Variants in TNS4 observed in about 807,000 individuals in gnomAD.
TNS4 encodes tensin 4, also known as tensin-4.
TNS4 carries 46 observed loss-of-function variants against 70.4 expected under a neutral mutation model. The ratio of observed to expected loss-of-function variants is 0.65; its 90% CI spans 0.52 to 0.84. TNS4 has a LOEUF of 0.84. TNS4 is among the 40% of genes least tolerant of loss of function. TNS4 has a pLI of 0.00. For missense variants in TNS4, 863 were observed against 907.0 expected, an observed-to-expected ratio of 0.95 and a Z score of 0.62; for synonymous variants, 390 against 366.6, an observed-to-expected ratio of 1.06 and a Z score of -0.73.
chr17:40,485,033 CCTGTAGGCT>C (rs1567810446), intron 4 of TNS4, 26 bp from the exon 5 acceptor site: 4 of 1,607,484 alleles, frequency 2.5e-6, no homozygotes, highest in East Asian at 2.2e-5. Flanking sequence ...GAAGGGGGAC[CCTGTAGGCT>C]GGACAGACGG....
At chr17:40,500,877 C>T (rs775539645) in intron 1 of TNS4, among the ~76,000 whole-genome samples, 133 of 147,650 alleles carry the variant, frequency 9.0e-4, no homozygotes, top group Non-Finnish European at 1.5e-3. Context: ...GCCGCCCCAT[C>T]TCCCAGTCCT....
rs753848525 is a variant in TNS4 at position 40,496,184 on chromosome 17, G to C, written c.242C>G (p.Pro81Arg). The change falls in exon 2 of 13, where the codon CCG (proline) becomes CGG (arginine). Residue 81 changes from proline to arginine, a missense_variant. Pro to Arg is a moderately radical substitution (Grantham distance 103). Transcript: ENST00000254051. ...QVEAKATCFL[P>R]SPGEKALGTP... Reference sequence around the variant, plus strand: ...CCCCAAGGCCTTCTCACCAGGGGACGGCAGGAAGCAGGTGGCTTTGGCCTC... The same window carrying C: ...CCCCAAGGCCTTCTCACCAGGGGACCGCAGGAAGCAGGTGGCTTTGGCCTC... 3 of 1,607,440 alleles carry C rather than the reference G, an allele frequency of 1.9e-6. No individual in the cohort carries two copies. Among genetic ancestry groups the C allele is most frequent in the South Asian group, 2.2e-5 (2 of 90,286 alleles).
Position 40,496,658 on chromosome 17 carries a change from G to A in TNS4, c.-95-138C>T, listed in dbSNP as rs957172020. The A allele has an allele frequency of 5.5e-6, 3 of 541,186 alleles. No homozygotes were observed. In the African/African-American group the frequency reaches 5.9e-5, roughly 11 times the overall value. 33.5% of individuals were successfully genotyped at this position (541,186 alleles called of 1,614,324 possible). On this transcript the variant is annotated intron_variant, in intron 1 of 12. Transcript: ENST00000254051. ...CCAGACCACCTGAGTTTGCAGCCTGGCTCCACCACCTACTAGCTGTATAAC... is the reference window on the plus strand; with the variant it reads ...CCAGACCACCTGAGTTTGCAGCCTGACTCCACCACCTACTAGCTGTATAAC...
chr17:40,490,096 C>T (rs1168926579), intron 2 of TNS4, among the ~76,000 whole-genome samples: 1 of 152,220 alleles, frequency 6.6e-6, no homozygotes, highest in Non-Finnish European at 1.5e-5. Flanking sequence ...GAGAACCCTG[C>T]TTTGGAGCAG....
intron 8 of TNS4, chr17:40,480,989 C>T: frequency 3.7e-6 from 2 of 534,424 alleles, no homozygotes; most frequent in South Asian, 2.5e-5. Context: ...TCTTCATCCC[C>T]TCCTCGCCCC....
rs530846988 is a variant in TNS4 at position 40,476,369 on chromosome 17, C to CGTGTGTGTGTGTGTGTGTGTGTGT, written c.*1195_*1218dup. On this transcript the variant is annotated 3_prime_UTR_variant, in exon 13 of 13. Transcript: ENST00000254051. ...TTGAAGCCACATAGCAGTAGAGGGG[C>CGTGTGTGTGTGTGTGTGTGTGTGT]GTGTGTGTGTGTGTGTGTGTGTGTG... is the stretch of plus-strand genomic sequence containing the variant. 2.2e-5 allele frequency: 2 copies of CGTGTGTGTGTGTGTGTGTGTGTGT among 92,908 alleles called. No individual in the cohort carries two copies. Among genetic ancestry groups the CGTGTGTGTGTGTGTGTGTGTGTGT allele is most frequent in the Admixed American group, 2.6e-4 (2 of 7,746 alleles). The allele number at this position is 92,908 out of a possible 1,614,324, so 5.8% of individuals were successfully genotyped here. A position where few individuals can be genotyped will look rare whatever the true frequency, so the allele number is the denominator to read the frequency against.
chr17:40,492,777 C>T (rs1437209470), intron 2 of TNS4, among the ~76,000 whole-genome samples: 1 of 151,920 alleles, frequency 6.6e-6, no homozygotes, highest in East Asian at 1.9e-4. Context: ...TGGCTCATAC[C>T]TGTAATCCCA....
intron 12 of TNS4, 161 bp from the exon 13 acceptor site, chr17:40,477,890 A>G: frequency 1.5e-6 from 1 of 656,626 alleles, no homozygotes; most frequent in East Asian, 2.7e-5. Flanking sequence ...TCCCTGGGGA[A>G]GGAGATGCCT....
At chr17:40,485,085 G>A in intron 4 of TNS4, 78 bp from the exon 5 acceptor site, 1 of 1,281,116 alleles carries the variant, frequency 7.8e-7, no homozygotes, top group African/African-American at 1.5e-5. Flanking sequence ...GAAGGCTGGA[G>A]ACCCTTCCCT....
At position 40,478,594 on chromosome 17, in the gene TNS4, G is replaced by GAAGGTGGGTTCTGAGCATACC. The variant is rs2035880724; in HGVS notation, c.1964_1965insGGTATGCTCAGAACCCACCTT (p.Asp655delinsGluValCysSerGluProThrPhe). ...CTTGAACTTACTTCCGTTGCTCAGG[G>GAAGGTGGGTTCTGAGCATACC]TCCATACCACAGAAGCGGAGGGTGG... On this transcript the variant is annotated protein_altering_variant, in exon 11 of 13. Coordinates refer to ENST00000254051, the MANE Select transcript of TNS4 (RefSeq NM_032865.6). 5 of 1,614,054 alleles carry GAAGGTGGGTTCTGAGCATACC rather than the reference G, an allele frequency of 3.1e-6. No individual in the cohort carries two copies. Among genetic ancestry groups the GAAGGTGGGTTCTGAGCATACC allele is most frequent in the Non-Finnish European group, 4.2e-6 (5 of 1,180,024 alleles).
intron 1 of TNS4, among the ~76,000 whole-genome samples, chr17:40,498,588 G>A (rs1490003289): frequency 6.6e-6 from 1 of 152,044 alleles, no homozygotes; most frequent in Non-Finnish European, 1.5e-5. Context: ...ACAAGGTGTC[G>A]CTCTGTTGCC....
At chr17:40,483,094 C>A (rs944737417) in intron 6 of TNS4, among the ~76,000 whole-genome samples, 3 of 151,968 alleles carry the variant, frequency 2.0e-5, no homozygotes, top group African/African-American at 7.2e-5. Context: ...GGACTACAGG[C>A]GTGCCCCACC....
At chr17:40,489,663 C>T (rs776617683) in intron 2 of TNS4, among the ~76,000 whole-genome samples, 5 of 151,960 alleles carry the variant, frequency 3.3e-5, no homozygotes, top group East Asian at 1.9e-4. Flanking sequence ...AAAAATTAGC[C>T]GGGCACCTGT....
Position 40,480,765 on chromosome 17 carries a change from AG to A in TNS4, c.1675del (p.Leu559TrpfsTer29). ...GTCCGAGGCCCCATCTGCACCTCCC[AG>A]TTCTGAGCCAAGGCAAAGAAACAGG... ...PCKLTIPQRE[L>X]GGADGASDST... On this transcript the variant is annotated frameshift_variant and splice_region_variant, in exon 9 of 13. Transcript: ENST00000254051. LOFTEE classifies it high-confidence loss of function. 6.2e-7 allele frequency: 1 copy of A among 1,602,240 alleles called. No homozygotes were observed.
chr17:40,487,249 T>A lies in TNS4; in HGVS notation c.1075A>T (p.Ser359Cys). ...TTGGTGATGGATGGGGGGCAGCTGC[T>A]GGCATGTTCTTTGGCCAGTGGTGGA... ...HSPPLAKEHA[S>C]SCPPSITNSM... Residue 359 changes from serine (S) to cysteine (C), a missense_variant, in exon 4 of 13, where the codon AGC (serine) becomes TGC (cysteine). Physicochemically the swap from Ser to Cys is moderately radical, Grantham distance 112 (BLOSUM62 -1). Coordinates refer to ENST00000254051, the MANE Select transcript of TNS4 (RefSeq NM_032865.6). 6.2e-7 allele frequency: 1 copy of A among 1,614,194 alleles called. No homozygotes were observed. The highest frequency in any genetic ancestry group is 1.7e-5 in the Admixed American group (1 of 60,032).
chr17:40,483,856 A>C (rs2035958158), intron 6 of TNS4, among the ~76,000 whole-genome samples: 1 of 152,206 alleles, frequency 6.6e-6, no homozygotes, highest in African/African-American at 2.4e-5. Context: ...TTAAATAAGA[A>C]GGTGCAATCC....
intron 6 of TNS4, among the ~76,000 whole-genome samples, chr17:40,483,056 C>T (rs1248359893): frequency 6.6e-6 from 1 of 151,396 alleles, no homozygotes; most frequent in African/African-American, 2.4e-5. Flanking sequence ...CTTAAGGAAT[C>T]CTCCCACCTC....
At chr17:40,478,264 C>G (rs1276776589) in intron 12 of TNS4, 43 bp downstream of exon 12, 2 of 1,613,354 alleles carry the variant, frequency 1.2e-6, no homozygotes, top group South Asian at 1.1e-5. Flanking sequence ...CTGCAGTTCC[C>G]TCCCCATGTT....
chr17:40,482,310 C>T lies in TNS4; in HGVS notation c.1594+14G>A. 3 of 1,614,094 alleles carry T rather than the reference C, an allele frequency of 1.9e-6. No homozygotes were observed. The highest frequency in any genetic ancestry group is 2.5e-6 in the Non-Finnish European group (3 of 1,179,952). ...CCCCCATCCCGGGGGAGCCTGGAGG[C>T]TGGGGAGTCTCACCAAAGTAGGGCT... On this transcript the variant is annotated intron_variant, in intron 7 of 12. Coordinates refer to ENST00000254051, the MANE Select transcript of TNS4 (RefSeq NM_032865.6).
Sources: allele counts gnomAD v4.1 joint callset (sites outside exome capture counted in the v4.1 genomes callset), GRCh38; gene constraint gnomAD v4.1.1; transcripts MANE v1.5; gene names NCBI Gene and HGNC (gene_info 2026-07-23, HGNC 2026-07-21).